The following RHOJ variants were observed in gnomAD, a reference collection of about 807,000 sequenced individuals.
RHOJ encodes rho-related GTP-binding protein RhoJ.
In RHOJ, 11 loss-of-function variants were observed where a neutral mutation model predicts 23.4. That is an observed-to-expected ratio of 0.47 (90% CI 0.30 to 0.78). The LOEUF (loss-of-function observed/expected upper bound fraction) is 0.78, where lower values mean the gene tolerates loss of function less well. RHOJ is among the 30% of genes least tolerant of loss of function. RHOJ has a pLI of 0.08. For missense variants in RHOJ, 254 were observed against 273.4 expected, an observed-to-expected ratio of 0.93 and a Z score of 0.50; for synonymous variants, 102 against 102.7, an observed-to-expected ratio of 0.99 and a Z score of 0.04.
At chr14:63,210,938 A>G (rs761707450) in intron 1 of RHOJ, among the ~76,000 whole-genome samples, 3 of 152,218 alleles carry the variant, frequency 2.0e-5, no homozygotes, top group Non-Finnish European at 4.4e-5. Context: ...GAAAGCCATC[A>G]AATTTGGAAA....
chr14:63,211,808 G>A (rs748931479), intron 1 of RHOJ, among the ~76,000 whole-genome samples: 1 of 151,992 alleles, frequency 6.6e-6, no homozygotes, highest in Non-Finnish European at 1.5e-5. Context: ...AACAATTCCC[G>A]GCACAAAGAT....
rs558060698 is a variant in RHOJ at position 63,208,673 on chromosome 14, A to C, written c.178+3626A>C. Among the ~76,000 whole-genome samples the C allele has an allele frequency of 3.9e-5, 6 of 152,168 alleles. No homozygotes were observed. In the East Asian group the frequency reaches 1.2e-3, roughly 29 times the overall value. On this transcript the variant is annotated intron_variant, in intron 1 of 4. Transcript: ENST00000316754. Reference sequence around the variant, plus strand: ...CCTCCCCTCTGTCTTCCCAACCACCAAATGTTCGGAAACACTGAAACCTCA... The same window carrying C: ...CCTCCCCTCTGTCTTCCCAACCACCCAATGTTCGGAAACACTGAAACCTCA...
At chr14:63,235,300 G>A (rs764454302) in intron 1 of RHOJ, among the ~76,000 whole-genome samples, 1 of 149,986 alleles carries the variant, frequency 6.7e-6, no homozygotes, top group Non-Finnish European at 1.5e-5. Context: ...ATTGGATCCT[G>A]ATTTTAAAAA....
chr14:63,253,687 T>C (rs1895112455), intron 1 of RHOJ, among the ~76,000 whole-genome samples: 1 of 152,224 alleles, frequency 6.6e-6, no homozygotes. Flanking sequence ...TTACTGTTTC[T>C]AAGATCATAT....
At chr14:63,247,357 G>T (rs1175334835) in intron 1 of RHOJ, among the ~76,000 whole-genome samples, 1 of 152,062 alleles carries the variant, frequency 6.6e-6, no homozygotes, top group Non-Finnish European at 1.5e-5. Flanking sequence ...CATGGAATTT[G>T]AAATTAAAAC....
chr14:63,289,108 C>T (rs927020049), intron 4 of RHOJ, among the ~76,000 whole-genome samples: 2 of 152,226 alleles, frequency 1.3e-5, no homozygotes, highest in African/African-American at 4.8e-5. Flanking sequence ...CACAAGTTCA[C>T]TTAGTCCACA....
chr14:63,238,582 C>T (rs117281987), intron 1 of RHOJ, among the ~76,000 whole-genome samples: 5 of 152,208 alleles, frequency 3.3e-5, no homozygotes, highest in East Asian at 3.9e-4. Flanking sequence ...ACACCATGCC[C>T]GGATAATTTT....
chr14:63,245,098 A>G (rs1894953047), intron 1 of RHOJ, among the ~76,000 whole-genome samples: 1 of 152,220 alleles, frequency 6.6e-6, no homozygotes, highest in South Asian at 2.1e-4. Context: ...AAATCCAAAC[A>G]TTCCCTCATC....
At chr14:63,272,952 G>A (rs1895498535) in intron 2 of RHOJ, among the ~76,000 whole-genome samples, 1 of 152,228 alleles carries the variant, frequency 6.6e-6, no homozygotes, top group South Asian at 2.1e-4. Context: ...GAACCTGGGA[G>A]GCGGAGGTAG....
At chr14:63,273,603 A>T (rs1594774739) in intron 2 of RHOJ, among the ~76,000 whole-genome samples, 1 of 152,218 alleles carries the variant, frequency 6.6e-6, no homozygotes. Flanking sequence ...GCTTGCAGCC[A>T]GATGTCCTCC....
intron 1 of RHOJ, among the ~76,000 whole-genome samples, chr14:63,207,885 T>C (rs930310583): frequency 1.3e-5 from 2 of 152,170 alleles, no homozygotes; most frequent in African/African-American, 4.8e-5. Context: ...TCATGTGTGA[T>C]AAGAGTTAGG....
intron 1 of RHOJ, among the ~76,000 whole-genome samples, chr14:63,207,817 T>G (rs1894147076): frequency 6.6e-6 from 1 of 152,192 alleles, no homozygotes; most frequent in Non-Finnish European, 1.5e-5. Context: ...AATTAAGGTA[T>G]TAGAATTGTG....
intron 2 of RHOJ, among the ~76,000 whole-genome samples, chr14:63,276,131 C>A (rs536636549): frequency 3.1e-4 from 47 of 152,226 alleles, no homozygotes; most frequent in Non-Finnish European, 1.6e-4. Context: ...GGTTCTGAAA[C>A]TTGAGCTGCA....
chr14:63,242,335 GAA>G, intron 1 of RHOJ, among the ~76,000 whole-genome samples: 1 of 152,168 alleles, frequency 6.6e-6, no homozygotes, highest in Non-Finnish European at 1.5e-5. Context: ...GGAGGCAGGA[GAA>G]TGACTTAAGA....
chr14:63,274,477 A>G (rs748172682), intron 2 of RHOJ, among the ~76,000 whole-genome samples: 1 of 152,148 alleles, frequency 6.6e-6, no homozygotes, highest in African/African-American at 2.4e-5. Context: ...GTTTGCAAAC[A>G]TTTGGGTCTT....
chr14:63,277,970 C>CACACACACACACAA (rs1286210625), intron 2 of RHOJ, among the ~76,000 whole-genome samples: 1 of 133,084 alleles, frequency 7.5e-6, no homozygotes, highest in Non-Finnish European at 1.7e-5. Flanking sequence ...TACACAAACA[C>CACACACACACACAA]ACACACACAC....
At chr14:63,271,405 A>G (rs975178379) in intron 2 of RHOJ, among the ~76,000 whole-genome samples, 1 of 152,204 alleles carries the variant, frequency 6.6e-6, no homozygotes, top group African/African-American at 2.4e-5. Context: ...AGCTTACTAA[A>G]TAATGGGAAT....
intron 1 of RHOJ, among the ~76,000 whole-genome samples, chr14:63,234,257 C>T (rs1468610559): frequency 6.6e-6 from 1 of 152,180 alleles, no homozygotes; most frequent in African/African-American, 2.4e-5. Flanking sequence ...GTGGGTCAAG[C>T]ATATAGTACC....
intron 1 of RHOJ, among the ~76,000 whole-genome samples, chr14:63,254,514 G>A (rs535790891): frequency 6.6e-6 from 1 of 152,176 alleles, no homozygotes; most frequent in Non-Finnish European, 1.5e-5. Flanking sequence ...GCAAGGCACG[G>A]TGCTGGGCCT....
Sources: allele counts gnomAD v4.1 joint callset (sites outside exome capture counted in the v4.1 genomes callset), GRCh38; gene constraint gnomAD v4.1.1; transcripts MANE v1.5; gene names NCBI Gene and HGNC (gene_info 2026-07-23, HGNC 2026-07-21).